SYT1: variants seen among roughly 807,000 people sequenced by gnomAD.
SYT1 encodes synaptotagmin 1.
In SYT1, 8 loss-of-function variants were observed where a neutral mutation model predicts 44.8. The ratio of observed to expected loss-of-function variants is 0.18; its 90% CI spans 0.10 to 0.32. The LOEUF is 0.32. Ranked by LOEUF, SYT1 falls within the 10% of genes least tolerant of loss-of-function variation. SYT1 has a pLI of 1.00. For synonymous variants in SYT1, 154 were observed against 188.8 expected (o/e 0.82, Z 1.51); for missense variants, 286 against 509.3 (o/e 0.56, Z 4.22).
At chr12:79,020,384 G>A (rs1872109835) in intron 2 of SYT1, among the ~76,000 whole-genome samples, 1 of 151,752 alleles carries the variant, frequency 6.6e-6, no homozygotes, top group African/African-American at 2.4e-5. Flanking sequence ...AGGATGCCCA[G>A]GACATTTCCC....
intron 9 of SYT1, among the ~76,000 whole-genome samples, chr12:79,400,514 T>C (rs908826864): frequency 3.9e-5 from 6 of 152,172 alleles, no homozygotes; most frequent in African/African-American, 1.2e-4. Flanking sequence ...ACTGAAAAAG[T>C]GACCATATCA....
At chr12:79,089,779 G>A (rs540454458) in intron 3 of SYT1, among the ~76,000 whole-genome samples, 11 of 151,944 alleles carry the variant, frequency 7.2e-5, no homozygotes, top group Middle Eastern at 3.2e-3. Flanking sequence ...TATCTCTTGC[G>A]TTTAATTTGC....
chr12:79,053,615 A>G (rs1443780181), intron 3 of SYT1, among the ~76,000 whole-genome samples: 2 of 149,260 alleles, frequency 1.3e-5, no homozygotes, highest in Non-Finnish European at 3.0e-5. Context: ...ACAATTATTT[A>G]AAATATATAT....
chr12:79,054,943 A>G (rs1874820867), intron 3 of SYT1, among the ~76,000 whole-genome samples: 2 of 152,082 alleles, frequency 1.3e-5, no homozygotes, highest in Admixed American at 1.3e-4. Context: ...TGATAAATCT[A>G]AACCATATTT....
chr12:79,194,319 G>A (rs1180616444), intron 3 of SYT1, among the ~76,000 whole-genome samples: 3 of 152,010 alleles, frequency 2.0e-5, no homozygotes, highest in Non-Finnish European at 4.4e-5. Context: ...TATGATTGGT[G>A]TCACCTATGT....
At chr12:78,924,627 G>T (rs1046699946) in intron 1 of SYT1, among the ~76,000 whole-genome samples, 6 of 147,076 alleles carry the variant, frequency 4.1e-5, no homozygotes, top group Non-Finnish European at 7.5e-5. Context: ...ACATATATAT[G>T]TATATATATT....
chr12:78,917,617 A>T (rs925004867), intron 1 of SYT1, among the ~76,000 whole-genome samples: 6 of 151,128 alleles, frequency 4.0e-5, no homozygotes, highest in African/African-American at 1.5e-4. Flanking sequence ...TAATAAAAAA[A>T]TTTCAAAAAA....
chr12:79,054,218 A>G (rs1874758465), intron 3 of SYT1, among the ~76,000 whole-genome samples: 1 of 152,030 alleles, frequency 6.6e-6, no homozygotes, highest in African/African-American at 2.4e-5. Context: ...CTAAACGGGG[A>G]CAACTAGTGA....
At chr12:78,904,912 C>G (rs1875876776) in intron 1 of SYT1, among the ~76,000 whole-genome samples, 1 of 152,126 alleles carries the variant, frequency 6.6e-6, no homozygotes, top group Non-Finnish European at 1.5e-5. Context: ...TCAACTTTCA[C>G]TTAAATCCAT....
chr12:79,410,416 G>C (rs1417682372), intron 9 of SYT1, among the ~76,000 whole-genome samples: 1 of 148,640 alleles, frequency 6.7e-6, no homozygotes, highest in Non-Finnish European at 1.5e-5. Context: ...TGTGTTTCTG[G>C]TTGGGCCAGT....
chr12:79,440,480 C>T (rs1035166431), intron 9 of SYT1, among the ~76,000 whole-genome samples: 1 of 151,888 alleles, frequency 6.6e-6, no homozygotes, highest in Non-Finnish European at 1.5e-5. Flanking sequence ...AGACAGTAGC[C>T]CAATTTTTTG....
intron 4 of SYT1, among the ~76,000 whole-genome samples, chr12:79,282,318 A>G (rs1280760675): frequency 1.3e-5 from 2 of 152,204 alleles, no homozygotes; most frequent in Admixed American, 6.5e-5. Flanking sequence ...TTTTAAATTA[A>G]TTTGCCTTGT....
intron 3 of SYT1, among the ~76,000 whole-genome samples, chr12:79,192,601 A>G (rs912148186): frequency 2.0e-5 from 3 of 152,102 alleles, no homozygotes; most frequent in African/African-American, 7.2e-5. Context: ...AGGAAGAGAC[A>G]CTTGTTTTGA....
intron 3 of SYT1, among the ~76,000 whole-genome samples, chr12:79,129,209 T>G (rs1008282048): frequency 1.6e-4 from 24 of 152,218 alleles, no homozygotes; most frequent in African/African-American, 4.6e-4. Flanking sequence ...AATTTTTGTT[T>G]TATTATGCTT....
At chr12:79,296,600 A>T (rs377278474) in intron 7 of SYT1, among the ~76,000 whole-genome samples, 1 of 152,234 alleles carries the variant, frequency 6.6e-6, no homozygotes, top group African/African-American at 2.4e-5. Context: ...CCCAGGATTA[A>T]GTAAGCTGTG....
intron 3 of SYT1, among the ~76,000 whole-genome samples, chr12:79,112,199 G>A (rs1879053087): frequency 6.6e-6 from 1 of 152,004 alleles, no homozygotes; most frequent in Non-Finnish European, 1.5e-5. Flanking sequence ...AAAAGAAAGA[G>A]ATACTAACAG....
At chr12:79,103,653 A>T (rs1878554362) in intron 3 of SYT1, among the ~76,000 whole-genome samples, 1 of 152,134 alleles carries the variant, frequency 6.6e-6, no homozygotes, top group South Asian at 2.1e-4. Flanking sequence ...AAGTAGTTAT[A>T]ATATTAGATT....
intron 3 of SYT1, among the ~76,000 whole-genome samples, chr12:79,117,439 C>A (rs1823698567): frequency 1.3e-5 from 2 of 151,586 alleles, no homozygotes; most frequent in African/African-American, 4.8e-5. Flanking sequence ...TGACTGCTGA[C>A]TGCAGTTCCA....
At chr12:78,911,924 C>T (rs925556886) in intron 1 of SYT1, among the ~76,000 whole-genome samples, 5 of 151,936 alleles carry the variant, frequency 3.3e-5, no homozygotes, top group Admixed American at 3.3e-4. Flanking sequence ...TATTTGTTGA[C>T]AATAGTACCT....
Sources: allele counts gnomAD v4.1 joint callset (sites outside exome capture counted in the v4.1 genomes callset), GRCh38; gene constraint gnomAD v4.1.1; transcripts MANE v1.5; gene names NCBI Gene and HGNC (gene_info 2026-07-23, HGNC 2026-07-21).